Variants in PDZD2 observed in about 807,000 individuals in gnomAD.
PDZD2 encodes PDZ domain containing 2, also known as PDZ domain-containing protein 2.
A neutral mutation model predicts 220.7 loss-of-function variants in PDZD2; 90 were observed. The observed-to-expected ratio is 0.41, with a 90% CI of 0.34 to 0.49. The LOEUF (loss-of-function observed/expected upper bound fraction) is 0.49, where lower values mean the gene tolerates loss of function less well. Ranked by LOEUF, PDZD2 falls within the 20% of genes least tolerant of loss-of-function variation. PDZD2 has a pLI of 0.28. For synonymous variants in PDZD2, 1,375 were observed against 1,450.5 expected, an observed-to-expected ratio of 0.95 and a Z score of 1.18; for missense variants, 3,174 against 3,608.5, an observed-to-expected ratio of 0.88 and a Z score of 3.08.
chr5:31,779,558 A>G (rs1203808140), intron 1 of PDZD2, among the ~76,000 whole-genome samples: 2 of 151,806 alleles, frequency 1.3e-5, no homozygotes, highest in Non-Finnish European at 2.9e-5. Flanking sequence ...TATTTTTAGT[A>G]GAGACGGGGT....
At chr5:31,963,050 GAGTTCC>G (rs1218224150) in intron 2 of PDZD2, among the ~76,000 whole-genome samples, 3 of 151,690 alleles carry the variant, frequency 2.0e-5, no homozygotes, top group Non-Finnish European at 4.4e-5. Context: ...GTAATGAAGT[GAGTTCC>G]TAGTACTCTA....
At chr5:32,072,023 G>T in intron 16 of PDZD2, 138 bp from the exon 17 acceptor site, 1 of 608,410 alleles carries the variant, frequency 1.6e-6, no homozygotes, top group African/African-American at 1.8e-5. Context: ...GTACATGGAG[G>T]TTGGTGTTTA....
intron 7 of PDZD2, among the ~76,000 whole-genome samples, chr5:32,043,758 G>A (rs1310972883): frequency 6.6e-6 from 1 of 151,972 alleles, no homozygotes; most frequent in African/African-American, 2.4e-5. Flanking sequence ...CTCTTGAGTA[G>A]CTGAGACTAC....
chr5:31,999,417 G>A (rs967690454), intron 4 of PDZD2, among the ~76,000 whole-genome samples: 9 of 151,992 alleles, frequency 5.9e-5, no homozygotes, highest in Non-Finnish European at 1.2e-4. Flanking sequence ...GGAGGCTGAG[G>A]CAGGAGGATC....
At chr5:31,739,194 A>T (rs1222452567) in intron 1 of PDZD2, among the ~76,000 whole-genome samples, 1 of 152,206 alleles carries the variant, frequency 6.6e-6, no homozygotes, top group Non-Finnish European at 1.5e-5. Context: ...CCAAATATGC[A>T]CAATTTTAAT....
At chr5:31,662,847 G>T (rs1304529511) in intron 1 of PDZD2, among the ~76,000 whole-genome samples, 1 of 152,276 alleles carries the variant, frequency 6.6e-6, no homozygotes, top group South Asian at 2.1e-4. Context: ...AGCCAGGATG[G>T]TCTTGATCTC....
chr5:32,003,043 C>G (rs377237523), intron 5 of PDZD2, among the ~76,000 whole-genome samples: 32 of 136,442 alleles, frequency 2.3e-4, no homozygotes, highest in African/African-American at 9.4e-4. Flanking sequence ...ACCATACACA[C>G]ACTACACACA....
At chr5:31,706,717 G>A (rs974394756) in intron 1 of PDZD2, among the ~76,000 whole-genome samples, 4 of 151,858 alleles carry the variant, frequency 2.6e-5, no homozygotes, top group African/African-American at 7.3e-5. Context: ...GATGGCGGGC[G>A]CCTGTAATCC....
Position 31,759,124 on chromosome 5 carries a change from C to A in PDZD2, c.-360-39765C>A, listed in dbSNP as rs112109852. On this transcript the variant is annotated intron_variant, in intron 1 of 24. Transcript: ENST00000438447. ...AGCACTTCTCATCATCGGCCCCCACCTCCCCTTGCCGTGCCCACCCCCTCC... is the reference window on the plus strand; with the variant it reads ...AGCACTTCTCATCATCGGCCCCCACATCCCCTTGCCGTGCCCACCCCCTCC... Among the ~76,000 whole-genome samples the A allele has an allele frequency of 9.0e-3, 1,365 of 152,044 alleles. 13 individuals carry two copies. The highest frequency in any genetic ancestry group is 0.031 in the African/African-American group (1,288 of 41,460).
At chr5:31,801,453 G>T (rs1754382412) in intron 2 of PDZD2, among the ~76,000 whole-genome samples, 1 of 152,188 alleles carries the variant, frequency 6.6e-6, no homozygotes, top group African/African-American at 2.4e-5. Flanking sequence ...GGTTAGAAGT[G>T]GGGATTGCCA....
intron 1 of PDZD2, among the ~76,000 whole-genome samples, chr5:31,736,735 A>G (rs6869264): frequency 0.013 from 2,012 of 152,232 alleles, 49 homozygotes; most frequent in African/African-American, 0.046. Context: ...TCCCAGCCCA[A>G]ATCCCCAATG....
At chr5:31,734,919 A>C (rs1463253443) in intron 1 of PDZD2, among the ~76,000 whole-genome samples, 1 of 152,232 alleles carries the variant, frequency 6.6e-6, no homozygotes, top group Non-Finnish European at 1.5e-5. Flanking sequence ...TTCTCATTGT[A>C]AATGACAATA....
chr5:31,720,340 T>C (rs980003289), intron 1 of PDZD2, among the ~76,000 whole-genome samples: 5 of 152,202 alleles, frequency 3.3e-5, no homozygotes, highest in African/African-American at 1.2e-4. Context: ...AGGTATCCAT[T>C]CTAAGCTCCC....
intron 2 of PDZD2, among the ~76,000 whole-genome samples, chr5:31,982,663 C>G (rs1750391381): frequency 6.6e-6 from 1 of 152,114 alleles, no homozygotes; most frequent in Non-Finnish European, 1.5e-5. Context: ...GAGGCATAGG[C>G]TCCCATTGTT....
intron 6 of PDZD2, among the ~76,000 whole-genome samples, chr5:32,017,156 G>C (rs959135871): frequency 1.3e-5 from 2 of 152,202 alleles, no homozygotes; most frequent in Admixed American, 6.5e-5. Context: ...AATGGCCTGG[G>C]CCGGGCACAG....
intron 2 of PDZD2, among the ~76,000 whole-genome samples, chr5:31,842,226 A>G (rs1029141898): frequency 2.0e-5 from 3 of 152,232 alleles, no homozygotes; most frequent in Non-Finnish European, 2.9e-5. Context: ...TCTTCAAGTT[A>G]GAATCCTGAA....
intron 24 of PDZD2, 81 bp downstream of exon 24, chr5:32,101,320 T>G: frequency 7.7e-7 from 1 of 1,294,806 alleles, no homozygotes; most frequent in East Asian, 2.4e-5. Context: ...ATGCCTTCCA[T>G]TTAGAAATCA....
chr5:31,952,915 A>G (rs536282622), intron 2 of PDZD2, among the ~76,000 whole-genome samples: 2 of 152,148 alleles, frequency 1.3e-5, no homozygotes, highest in Admixed American at 6.5e-5. Flanking sequence ...AAAATTAGCC[A>G]GGTGTGGTGG....
At chr5:31,794,872 C>G (rs1753939342) in intron 1 of PDZD2, among the ~76,000 whole-genome samples, 1 of 152,096 alleles carries the variant, frequency 6.6e-6, no homozygotes, top group African/African-American at 2.4e-5. Context: ...TAGCAGAGGT[C>G]AGAATAGGAG....
Sources: allele counts gnomAD v4.1 joint callset (sites outside exome capture counted in the v4.1 genomes callset), GRCh38; gene constraint gnomAD v4.1.1; transcripts MANE v1.5; gene names NCBI Gene and HGNC (gene_info 2026-07-23, HGNC 2026-07-21).